Variants in GPHN observed in about 807,000 individuals in gnomAD.
GPHN encodes the protein gephyrin.
In GPHN, 17 loss-of-function variants were observed where a neutral mutation model predicts 95.5. The observed-to-expected ratio is 0.18, with a 90% CI of 0.12 to 0.27. The LOEUF (loss-of-function observed/expected upper bound fraction) is 0.27, where lower values mean the gene tolerates loss of function less well. Ranked by LOEUF, GPHN falls within the 10% of genes least tolerant of loss-of-function variation. GPHN has a pLI of 1.00. For synonymous variants in GPHN, 320 were observed against 322.5 expected, an observed-to-expected ratio of 0.99 and a Z score of 0.08; for missense variants, 660 against 978.1, an observed-to-expected ratio of 0.67 and a Z score of 4.34.
chr14:66,736,652 G>T (rs185575554), intron 2 of GPHN, among the ~76,000 whole-genome samples: 1 of 151,854 alleles, frequency 6.6e-6, no homozygotes, highest in African/African-American at 2.4e-5. Context: ...TTATCCACCC[G>T]CCTCGGCCTC....
intron 13 of GPHN, among the ~76,000 whole-genome samples, chr14:67,107,300 C>T (rs1235340727): frequency 6.6e-6 from 1 of 152,082 alleles, no homozygotes; most frequent in African/African-American, 2.4e-5. Flanking sequence ...AAATATGGTG[C>T]TTGGAGTGAC....
chr14:67,533,017 G>A, the GPHN span, among the ~76,000 whole-genome samples: 1 of 152,164 alleles, frequency 6.6e-6, no homozygotes. Context: ...TGCCGCCCCA[G>A]GGACGAGCCC....
At chr14:67,356,844 T>A in the GPHN span, among the ~76,000 whole-genome samples, 2 of 152,234 alleles carry the variant, frequency 1.3e-5, no homozygotes, top group Non-Finnish European at 2.9e-5. Flanking sequence ...CATCTCAATG[T>A]GTGCATTTAA....
chr14:67,122,781 A>G lies in GPHN; in HGVS notation c.1748+404A>G, dbSNP rs73276967. Among the ~76,000 whole-genome samples the G allele has an allele frequency of 2.0e-5, 3 of 152,356 alleles. No homozygotes were observed. In the East Asian group the frequency reaches 5.8e-4, roughly 29 times the overall value. ...CTACCTAATTCTTTGAAATTTAAGTACAATTTTTTTCTAGGACTTCTATAT... is the reference window on the plus strand; with the variant it reads ...CTACCTAATTCTTTGAAATTTAAGTGCAATTTTTTTCTAGGACTTCTATAT... On this transcript the variant is annotated intron_variant, in intron 17 of 22. Coordinates refer to ENST00000478722, the MANE Select transcript of GPHN (RefSeq NM_020806.5).
the GPHN span, among the ~76,000 whole-genome samples, chr14:67,337,023 C>CTT: frequency 6.6e-6 from 1 of 152,318 alleles, no homozygotes; most frequent in Admixed American, 6.5e-5. Flanking sequence ...AGCTTTTTAA[C>CTT]TTAAGACTAC....
chr14:67,079,317 G>A (rs1316217882), intron 11 of GPHN, among the ~76,000 whole-genome samples: 1 of 152,000 alleles, frequency 6.6e-6, no homozygotes, highest in African/African-American at 2.4e-5. Flanking sequence ...AAAGTATTCA[G>A]TGTTTTTAGT....
At chr14:66,788,306 C>T (rs2059853916) in intron 3 of GPHN, among the ~76,000 whole-genome samples, 1 of 152,114 alleles carries the variant, frequency 6.6e-6, no homozygotes, top group South Asian at 2.1e-4. Context: ...GAGACTCCGT[C>T]TCAAAAAAGA....
the GPHN span, among the ~76,000 whole-genome samples, chr14:67,708,066 G>T: frequency 6.6e-6 from 1 of 152,182 alleles, no homozygotes; most frequent in Non-Finnish European, 1.5e-5. Context: ...TAGCTGTATT[G>T]TTATAAGTTA....
At chr14:67,339,533 G>A in the GPHN span, among the ~76,000 whole-genome samples, 2 of 152,100 alleles carry the variant, frequency 1.3e-5, no homozygotes, top group South Asian at 2.1e-4. Flanking sequence ...TCTCTGAACC[G>A]AGTATACAGA....
the GPHN span, chr14:67,359,796 G>C: frequency 7.1e-7 from 1 of 1,413,722 alleles, no homozygotes. Context: ...ACGGGAGTCA[G>C]CTGGTTGTGT....
the GPHN span, among the ~76,000 whole-genome samples, chr14:67,716,210 A>C: frequency 6.6e-6 from 1 of 151,576 alleles, no homozygotes; most frequent in Non-Finnish European, 1.5e-5. Context: ...AAAAAAAAAA[A>C]GAAAAGAAAA....
intron 2 of GPHN, among the ~76,000 whole-genome samples, chr14:66,752,750 C>A (rs1162371488): frequency 6.6e-6 from 1 of 152,054 alleles, no homozygotes; most frequent in Non-Finnish European, 1.5e-5. Flanking sequence ...CCCCAGCAGA[C>A]TTCCTTGACA....
At chr14:66,984,808 T>C (rs2070909136) in intron 9 of GPHN, among the ~76,000 whole-genome samples, 1 of 151,950 alleles carries the variant, frequency 6.6e-6, no homozygotes, top group Non-Finnish European at 1.5e-5. Flanking sequence ...GTAAAACCAC[T>C]TAGTCTGAAG....
chr14:67,049,211 TTTGTTGTTGTTG>T (rs139585227), intron 10 of GPHN, among the ~76,000 whole-genome samples: 10 of 150,830 alleles, frequency 6.6e-5, no homozygotes, highest in Non-Finnish European at 1.0e-4. Flanking sequence ...GCTGATTAAG[TTTGTTGTTGTTG>T]TTGTTGTTGT....
chr14:67,476,497 A>G, the GPHN span, among the ~76,000 whole-genome samples: 5 of 151,990 alleles, frequency 3.3e-5, no homozygotes, highest in African/African-American at 9.7e-5. Flanking sequence ...TGAGGCAGAA[A>G]AATTGCTTGA....
At chr14:67,489,801 T>C in the GPHN span, among the ~76,000 whole-genome samples, 870 of 152,228 alleles carry the variant, frequency 5.7e-3, 9 homozygotes, top group African/African-American at 0.02. Context: ...CCATCCTGGC[T>C]AACATGGTGA....
the GPHN span, chr14:67,412,137 G>T: frequency 7.8e-7 from 1 of 1,280,294 alleles, no homozygotes; most frequent in Non-Finnish European, 1.0e-6. Flanking sequence ...CGCAGCCCGC[G>T]CAGTCCGCGC....
chr14:67,035,905 TATTAGGCAAC>T (rs2074398334), intron 10 of GPHN, among the ~76,000 whole-genome samples: 1 of 151,710 alleles, frequency 6.6e-6, no homozygotes, highest in African/African-American at 2.4e-5. Context: ...AAAATAAATT[TATTAGGCAAC>T]ATTACCCTGA....
At chr14:66,953,339 G>T (rs545480536) in intron 8 of GPHN, among the ~76,000 whole-genome samples, 1 of 151,846 alleles carries the variant, frequency 6.6e-6, no homozygotes, top group Non-Finnish European at 1.5e-5. Flanking sequence ...ATGAAGTCCA[G>T]TTAATCTAAT....
Sources: allele counts gnomAD v4.1 joint callset (sites outside exome capture counted in the v4.1 genomes callset), GRCh38; gene constraint gnomAD v4.1.1; transcripts MANE v1.5; gene names NCBI Gene and HGNC (gene_info 2026-07-23, HGNC 2026-07-21).